The following PRUNE2 variants were observed in gnomAD, a reference collection of about 807,000 sequenced individuals.
PRUNE2 encodes prune homolog 2 with BCH domain.
A neutral mutation model predicts 252.0 loss-of-function variants in PRUNE2; 164 were observed. The observed-to-expected ratio is 0.65, with a 90% confidence interval of 0.57 to 0.74. The LOEUF (loss-of-function observed/expected upper bound fraction) is 0.74. PRUNE2 is among the 30% of genes least tolerant of loss of function. PRUNE2 has a pLI of 0.00. For missense variants in PRUNE2, 3,495 were observed against 3,711.0 expected (o/e 0.94, Z 1.51); for synonymous variants, 1,292 against 1,350.2 (o/e 0.96, Z 0.94).
Position 76,825,174 on chromosome 9 carries a change from T to C in PRUNE2, c.661+1406A>G, listed in dbSNP as rs897747825. Among the ~76,000 whole-genome samples the C allele has an allele frequency of 2.6e-5, 4 of 152,318 alleles. No homozygotes were observed. The East Asian group carries it at 5.8e-4, about 22-fold the overall frequency. ...GTCTGAGTAGCCCACACTCTTCCAG[T>C]GGTCTGCTGGTAAATGTTTAACGGC... On this transcript the variant is annotated intron_variant, in intron 5 of 18. Coordinates refer to ENST00000376718, the MANE Select transcript of PRUNE2 (RefSeq NM_015225.3).
intron 1 of PRUNE2, among the ~76,000 whole-genome samples, chr9:76,905,202 A>T (rs1253954915): frequency 2.0e-5 from 3 of 152,184 alleles, no homozygotes; most frequent in Admixed American, 6.5e-5. Context: ...GTTGTTTCAG[A>T]ATGTGTAGCA....
intron 4 of PRUNE2, among the ~76,000 whole-genome samples, chr9:76,833,800 C>G (rs2058803580): frequency 1.3e-5 from 2 of 150,056 alleles, no homozygotes; most frequent in Non-Finnish European, 3.0e-5. Flanking sequence ...AAAAAAAATA[C>G]AGAAAGCAGA....
At chr9:76,639,983 C>T (rs1373985821) in intron 12 of PRUNE2, among the ~76,000 whole-genome samples, 1 of 152,200 alleles carries the variant, frequency 6.6e-6, no homozygotes, top group Non-Finnish European at 1.5e-5. Flanking sequence ...CAGACCCCCA[C>T]AGGTAACTAT....
intron 1 of PRUNE2, among the ~76,000 whole-genome samples, chr9:76,891,252 G>A (rs2062455690): frequency 6.6e-6 from 1 of 152,194 alleles, no homozygotes; most frequent in African/African-American, 2.4e-5. Context: ...GAATTTGACA[G>A]AATTACACCT....
At chr9:76,836,279 C>T (rs1460713532) in intron 4 of PRUNE2, among the ~76,000 whole-genome samples, 4 of 150,428 alleles carry the variant, frequency 2.7e-5, no homozygotes, top group Non-Finnish European at 4.4e-5. Context: ...AAACCCAGGG[C>T]ATAACTAAGC....
At chr9:76,635,163 G>A (rs1027749646) in intron 15 of PRUNE2, among the ~76,000 whole-genome samples, 3 of 152,054 alleles carry the variant, frequency 2.0e-5, no homozygotes, top group African/African-American at 7.2e-5. Context: ...GTAGAGATGG[G>A]GTTTCACCAT....
chr9:76,856,059 G>A (rs907759674), intron 1 of PRUNE2, among the ~76,000 whole-genome samples: 2 of 152,150 alleles, frequency 1.3e-5, no homozygotes, highest in Admixed American at 6.5e-5. Context: ...CTATTCTTCC[G>A]AGAAGCTCAA....
rs375483987 is a variant in PRUNE2, at chr9:76,703,410, T to C, written c.8203A>G (p.Met2735Val). The change falls in exon 9 of 19, where the codon ATG (methionine) becomes GTG (valine). Residue 2735 changes from methionine to valine, a missense_variant. By Grantham distance (21) the Met-to-Val change is conservative (BLOSUM62 1). Coordinates refer to ENST00000376718, the MANE Select transcript of PRUNE2 (RefSeq NM_015225.3). Reference sequence around the variant, plus strand: ...TCCTCCATTTCCGTGTCAGGGATCATGTTTTTCTGAACAGGCTGTGGTGAA... The same window carrying C: ...TCCTCCATTTCCGTGTCAGGGATCACGTTTTTCTGAACAGGCTGTGGTGAA... ...MLSPQPVQKNMIPDTEMEEET... is the reference protein window; with the variant it reads ...MLSPQPVQKNVIPDTEMEEET... 44 of 1,613,576 alleles carry C rather than the reference T, an allele frequency of 2.7e-5. No individual in the cohort carries two copies. Among genetic ancestry groups the C allele is most frequent in the Non-Finnish European group, 3.6e-5 (43 of 1,179,712 alleles).
In PRUNE2 at chr9:76,865,282, C is replaced by T. The variant is rs145770797; in HGVS notation, c.37-11074G>A. On this transcript the variant is annotated intron_variant, in intron 1 of 18. Transcript: ENST00000376718. ...CTGAGGCAGGAGGACTGCTTGAGGT[C>T]AGGAGTTCGAGACCAGCCTGGGCAA... Among the ~76,000 whole-genome samples, 61 of 152,294 alleles carry T rather than the reference C, an allele frequency of 4.0e-4. No individual in the cohort carries two copies. In the East Asian group the frequency reaches 0.012, roughly 29 times the overall value.
At chr9:76,671,034 C>G (rs142671919) in intron 9 of PRUNE2, among the ~76,000 whole-genome samples, 1 of 152,126 alleles carries the variant, frequency 6.6e-6, no homozygotes. Context: ...TCACCTGCAA[C>G]GGAATAAAGC....
At chr9:76,849,327 A>G (rs2059830788) in intron 3 of PRUNE2, among the ~76,000 whole-genome samples, 1 of 152,234 alleles carries the variant, frequency 6.6e-6, no homozygotes, top group Non-Finnish European at 1.5e-5. Context: ...CTCTTGTAGT[A>G]TAACATGCTA....
At chr9:76,895,220 G>T (rs2062746365) in intron 1 of PRUNE2, among the ~76,000 whole-genome samples, 1 of 152,010 alleles carries the variant, frequency 6.6e-6, no homozygotes, top group South Asian at 2.1e-4. Context: ...CTTTTCTCAG[G>T]GACCTTATTT....
chr9:76,629,125 G>A (rs1180935440), intron 16 of PRUNE2, 67 bp downstream of exon 16: 11 of 961,248 alleles, frequency 1.1e-5, no homozygotes, highest in Non-Finnish European at 1.6e-5. Flanking sequence ...TTACAGGCGT[G>A]AGCCACCACA....
chr9:76,670,592 G>C (rs1008592788), intron 9 of PRUNE2, among the ~76,000 whole-genome samples: 2 of 152,162 alleles, frequency 1.3e-5, no homozygotes, highest in Non-Finnish European at 2.9e-5. Context: ...CTCCACCTCT[G>C]GGGGCAGGAC....
rs746752996 is a variant in PRUNE2 at position 76,708,527 on chromosome 9, A to G, written c.3747T>C (p.Pro1249=). ...HITDSEQREL[P]PEIPSHSANV... The stretch of plus-strand genomic sequence containing the variant: ...TTGCTGAATGGCTGGGGATTTCAGG[A>G]GGCAATTCCCTTTGCTCTGAATCTG... Residue 1249 remains proline (P), a synonymous_variant, in exon 8 of 19, where the codon CCT becomes CCC. Transcript: ENST00000376718. The G allele has an allele frequency of 6.2e-7, 1 of 1,613,894 alleles. No homozygotes were observed. The highest frequency in any genetic ancestry group is 1.1e-5 in the South Asian group (1 of 91,078).
At chr9:76,646,507 C>T (rs1296249723) in intron 11 of PRUNE2, among the ~76,000 whole-genome samples, 1 of 152,234 alleles carries the variant, frequency 6.6e-6, no homozygotes, top group Non-Finnish European at 1.5e-5. Flanking sequence ...CATGCGGCAG[C>T]TTATCAAGGA....
intron 2 of PRUNE2, among the ~76,000 whole-genome samples, chr9:76,853,249 T>C (rs1290929185): frequency 1.3e-5 from 2 of 152,190 alleles, no homozygotes; most frequent in Admixed American, 1.3e-4. Context: ...TCTGGAAGAC[T>C]AGCATTCGTG....
chr9:76,818,329 T>C (rs569860079), intron 6 of PRUNE2, among the ~76,000 whole-genome samples: 9 of 152,346 alleles, frequency 5.9e-5, no homozygotes, highest in Admixed American at 2.0e-4. Context: ...GGCTCACTTA[T>C]GCTTCACTGA....
chr9:76,859,275 A>C (rs770763534), intron 1 of PRUNE2, among the ~76,000 whole-genome samples: 21 of 152,224 alleles, frequency 1.4e-4, no homozygotes, highest in Non-Finnish European at 2.9e-4. Context: ...TATACCGCTA[A>C]AATGAGACTT....
Sources: allele counts gnomAD v4.1 joint callset (sites outside exome capture counted in the v4.1 genomes callset), GRCh38; gene constraint gnomAD v4.1.1; transcripts MANE v1.5; gene names NCBI Gene and HGNC (gene_info 2026-07-23, HGNC 2026-07-21).